Variants in MSI2 observed in about 807,000 individuals in gnomAD.
MSI2 encodes RNA-binding protein Musashi homolog 2.
Under a neutral mutation model 45.6 loss-of-function variants are expected in MSI2, and 17 were observed. That is an observed-to-expected ratio of 0.37 (90% confidence interval 0.26 to 0.56). The LOEUF is 0.56. Among genes scored for constraint, MSI2 ranks in the 20% least tolerant of loss-of-function variants. MSI2 has a pLI of 0.77. For missense variants in MSI2, 293 were observed against 444.2 expected (o/e 0.66, Z 3.06); for synonymous variants, 156 against 158.2 (o/e 0.99, Z 0.11).
intron 7 of MSI2, among the ~76,000 whole-genome samples, chr17:57,575,317 A>G (rs2088006415): frequency 6.6e-6 from 1 of 151,976 alleles, no homozygotes; most frequent in African/African-American, 2.4e-5. Context: ...CTAGATGCTC[A>G]AACGTCCTAT....
intron 7 of MSI2, among the ~76,000 whole-genome samples, chr17:57,557,895 G>A (rs1038468318): frequency 2.6e-5 from 4 of 152,206 alleles, no homozygotes; most frequent in Admixed American, 1.3e-4. Flanking sequence ...CTAAGTCAGC[G>A]AATTGTCAGC....
At chr17:57,633,847 G>A (rs545650901) in intron 10 of MSI2, among the ~76,000 whole-genome samples, 1 of 152,338 alleles carries the variant, frequency 6.6e-6, no homozygotes, top group South Asian at 2.1e-4. Context: ...GGGCACTGAT[G>A]TTCTTACTAA....
At chr17:57,292,616 T>C (rs2280713) in intron 5 of MSI2, among the ~76,000 whole-genome samples, 9,480 of 152,138 alleles carry the variant, frequency 0.062, 476 homozygotes, top group East Asian at 0.18. Flanking sequence ...GTTGCTAAGG[T>C]GCCTGGACAT....
In MSI2 at chr17:57,258,460, T is replaced by A. The variant is rs1329554758; in HGVS notation, c.270+106T>A. 3.0e-6 allele frequency: 3 copies of A among 989,658 alleles called. No individual in the cohort carries two copies. In the South Asian group the frequency reaches 3.9e-5, roughly 13 times the overall value. 61.3% of individuals were successfully genotyped at this position (989,658 alleles called of 1,614,324 possible). A position where few individuals can be genotyped will look rare whatever the true frequency, so the allele number is the denominator to read the frequency against. On this transcript the variant is annotated intron_variant, in intron 4 of 13. Transcript: ENST00000284073. The stretch of plus-strand genomic sequence containing the variant: ...CCTTCTTTTGCTTCTGTGCTAGAAC[T>A]GGGTAGTTTTAAACTGAGCTAGCGA...
chr17:57,411,932 G>A (rs2084204414), intron 6 of MSI2, among the ~76,000 whole-genome samples: 1 of 151,768 alleles, frequency 6.6e-6, no homozygotes, highest in Non-Finnish European at 1.5e-5. Context: ...GCTTGAACCT[G>A]GGAGGCAGAG....
intron 6 of MSI2, among the ~76,000 whole-genome samples, chr17:57,527,158 G>A (rs2086719220): frequency 6.6e-6 from 1 of 152,138 alleles, no homozygotes; most frequent in Non-Finnish European, 1.5e-5. Flanking sequence ...TTACTGTTAG[G>A]CATTTTCAGT....
chr17:57,421,141 TCTTTA>T (rs1230601954), intron 6 of MSI2, among the ~76,000 whole-genome samples: 5 of 152,110 alleles, frequency 3.3e-5, no homozygotes, highest in Non-Finnish European at 4.4e-5. Flanking sequence ...TACTGAGGCC[TCTTTA>T]CTTTTTATGA....
intron 6 of MSI2, among the ~76,000 whole-genome samples, chr17:57,433,308 C>T (rs2084632545): frequency 1.3e-5 from 2 of 152,110 alleles, no homozygotes; most frequent in Non-Finnish European, 2.9e-5. Flanking sequence ...AGGTAACATG[C>T]TGTTGGGAGG....
intron 6 of MSI2, chr17:57,448,938 T>C (rs145918120): frequency 7.2e-5 from 11 of 152,332 alleles, no homozygotes; most frequent in African/African-American, 2.4e-4. Context: ...CACAAGATCA[T>C]GCATGCTGAG....
intron 6 of MSI2, among the ~76,000 whole-genome samples, chr17:57,487,354 C>G (rs570582464): frequency 6.6e-6 from 1 of 152,308 alleles, no homozygotes; most frequent in African/African-American, 2.4e-5. Flanking sequence ...GAGTTGTCAT[C>G]TCCGTGCCTC....
At chr17:57,517,999 T>G (rs2086506235) in intron 6 of MSI2, among the ~76,000 whole-genome samples, 2 of 152,184 alleles carry the variant, frequency 1.3e-5, no homozygotes, top group Non-Finnish European at 2.9e-5. Context: ...CAAAAGAGCT[T>G]TAATAAATAT....
rs138150082 is a variant in MSI2, at chr17:57,421,411, G to A, written c.405+19940G>A. 2.8e-3 allele frequency among the ~76,000 whole-genome samples: 425 copies of A among 152,190 alleles called. 4 individuals are homozygous for A. Among genetic ancestry groups the A allele is most frequent in the African/African-American group, 9.7e-3 (405 of 41,548 alleles). ...AGGCCTGATGCTTGCACAGGACGGAGTAGATCAGAAGGAGAGGTTTTTCCT... is the reference window on the plus strand; with the variant it reads ...AGGCCTGATGCTTGCACAGGACGGAATAGATCAGAAGGAGAGGTTTTTCCT... On this transcript the variant is annotated intron_variant, in intron 6 of 13. Transcript: ENST00000284073.
chr17:57,381,463 C>G (rs1278196500), intron 5 of MSI2, among the ~76,000 whole-genome samples: 4 of 152,208 alleles, frequency 2.6e-5, no homozygotes, highest in African/African-American at 7.2e-5. Flanking sequence ...CCTCCCTCCT[C>G]CTAGCCCTAT....
At chr17:57,359,971 C>CT (rs1300997047) in intron 5 of MSI2, among the ~76,000 whole-genome samples, 1 of 152,214 alleles carries the variant, frequency 6.6e-6, no homozygotes, top group Non-Finnish European at 1.5e-5. Flanking sequence ...GGCCCTCCAT[C>CT]TTATCTCTTA....
chr17:57,583,159 A>G lies in MSI2; in HGVS notation c.455-13709A>G, dbSNP rs538513547. Among the ~76,000 whole-genome samples, 3 of 152,134 alleles carry G rather than the reference A, an allele frequency of 2.0e-5. No individual in the cohort carries two copies. The South Asian group carries it at 6.2e-4, about 32-fold the overall frequency. On this transcript the variant is annotated intron_variant, in intron 7 of 13. Transcript: ENST00000284073. ...TGCTTGTATCATTAGTATTATCTCC[A>G]ATCCATGTTTTCTTTGCAGTTACCT...
chr17:57,582,020 G>A (rs1389994780), intron 7 of MSI2, among the ~76,000 whole-genome samples: 1 of 152,196 alleles, frequency 6.6e-6, no homozygotes, highest in African/African-American at 2.4e-5. Flanking sequence ...TCTCAGCACT[G>A]TGTGCTGCTC....
At chr17:57,353,051 C>A (rs889640507) in intron 5 of MSI2, among the ~76,000 whole-genome samples, 1 of 152,134 alleles carries the variant, frequency 6.6e-6, no homozygotes, top group Admixed American at 6.5e-5. Context: ...CACTGTGACG[C>A]CTTTTATTTC....
intron 5 of MSI2, among the ~76,000 whole-genome samples, chr17:57,365,890 GTC>G (rs1220269461): frequency 6.6e-6 from 1 of 152,112 alleles, no homozygotes; most frequent in Non-Finnish European, 1.5e-5. Flanking sequence ...ACATAGTAGA[GTC>G]TCAGTAAATG....
chr17:57,579,292 G>A (rs560294767), intron 7 of MSI2, among the ~76,000 whole-genome samples: 1 of 152,224 alleles, frequency 6.6e-6, no homozygotes, highest in Non-Finnish European at 1.5e-5. Context: ...GGCTATCTGT[G>A]CTCGGTGATT....
Sources: gnomAD v4.1 joint callset for allele counts (sites outside exome capture counted in the v4.1 genomes callset) on GRCh38, gnomAD v4.1.1 for gene constraint, MANE v1.5 for transcripts, NCBI Gene and HGNC (gene_info 2026-07-23, HGNC 2026-07-21) for gene names.